Variants in LRMDA observed in about 807,000 individuals in gnomAD.
LRMDA encodes leucine rich melanocyte differentiation associated, also known as leucine-rich melanocyte differentiation-associated protein.
LRMDA carries 18 observed loss-of-function variants against 29.8 expected under a neutral mutation model. The ratio of observed to expected loss-of-function variants is 0.60; its 90% CI spans 0.42 to 0.90. LRMDA has a LOEUF of 0.90. Among genes scored for constraint, LRMDA ranks in the 40% least tolerant of loss-of-function variants. LRMDA has a pLI of 0.00. For missense variants in LRMDA, 273 were observed against 273.9 expected (o/e 1.00, Z 0.02); for synonymous variants, 125 against 109.4 (o/e 1.14, Z -0.89).
At chr10:75,720,854 A>G (rs1196704373) in intron 2 of LRMDA, among the ~76,000 whole-genome samples, 1 of 152,128 alleles carries the variant, frequency 6.6e-6, no homozygotes, top group African/African-American at 2.4e-5. Flanking sequence ...ACAGATTCCT[A>G]CCCAAGACGG....
chr10:75,948,841 C>T (rs1846524066), intron 2 of LRMDA, among the ~76,000 whole-genome samples: 1 of 151,952 alleles, frequency 6.6e-6, no homozygotes, highest in South Asian at 2.1e-4. Flanking sequence ...GTGATATAGC[C>T]TTGCTGGATA....
chr10:75,435,612 G>A (rs1169669703), intron 1 of LRMDA, among the ~76,000 whole-genome samples: 1 of 152,156 alleles, frequency 6.6e-6, no homozygotes. Context: ...AGAACAACTT[G>A]TATTTTTCTT....
chr10:76,286,221 T>G (rs1321966583), intron 5 of LRMDA, among the ~76,000 whole-genome samples: 1 of 152,176 alleles, frequency 6.6e-6, no homozygotes, highest in Non-Finnish European at 1.5e-5. Context: ...CCGCTGGAGA[T>G]TCTTCATTAG....
intron 2 of LRMDA, among the ~76,000 whole-genome samples, chr10:76,014,509 C>T (rs1435658107): frequency 6.6e-6 from 1 of 152,160 alleles, no homozygotes; most frequent in African/African-American, 2.4e-5. Flanking sequence ...TGCCCATATA[C>T]ACACCAAAAG....
At chr10:76,236,732 T>G (rs1341299998) in intron 5 of LRMDA, among the ~76,000 whole-genome samples, 1 of 152,224 alleles carries the variant, frequency 6.6e-6, no homozygotes, top group Non-Finnish European at 1.5e-5. Context: ...GCAAACCTAT[T>G]ATGGTCACAA....
At chr10:75,638,248 GA>G (rs949900757) in intron 2 of LRMDA, among the ~76,000 whole-genome samples, 3 of 152,172 alleles carry the variant, frequency 2.0e-5, no homozygotes, top group Non-Finnish European at 4.4e-5. Context: ...GTTGATGGCA[GA>G]AGGCAGGTTT....
chr10:75,894,343 G>T (rs1053591291), intron 2 of LRMDA, among the ~76,000 whole-genome samples: 1 of 152,280 alleles, frequency 6.6e-6, no homozygotes, highest in South Asian at 2.1e-4. Flanking sequence ...CCAGGTCTCT[G>T]CAAATGCCGT....
chr10:76,089,664 C>T (rs1849197516), intron 5 of LRMDA, among the ~76,000 whole-genome samples: 1 of 152,184 alleles, frequency 6.6e-6, no homozygotes, highest in South Asian at 2.1e-4. Flanking sequence ...CTTCCCTGAC[C>T]ACTGGGCACG....
intron 6 of LRMDA, among the ~76,000 whole-genome samples, chr10:76,432,231 G>A (rs1049102206): frequency 6.6e-6 from 1 of 152,158 alleles, no homozygotes; most frequent in Non-Finnish European, 1.5e-5. Flanking sequence ...GGGCCTGGGG[G>A]TGCTGCTGGT....
At chr10:75,915,380 C>T (rs185673518) in intron 2 of LRMDA, among the ~76,000 whole-genome samples, 34 of 152,096 alleles carry the variant, frequency 2.2e-4, no homozygotes, top group Non-Finnish European at 4.0e-4. Flanking sequence ...AGGTGATCTG[C>T]CTGTCTCGGC....
At chr10:76,092,660 C>G (rs1414366696) in intron 5 of LRMDA, among the ~76,000 whole-genome samples, 1 of 152,178 alleles carries the variant, frequency 6.6e-6, no homozygotes, top group East Asian at 1.9e-4. Context: ...TGCTACAATT[C>G]TTTGGATAAT....
At chr10:75,889,751 G>A (rs1308973064) in intron 2 of LRMDA, among the ~76,000 whole-genome samples, 3 of 152,234 alleles carry the variant, frequency 2.0e-5, no homozygotes, top group Non-Finnish European at 2.9e-5. Flanking sequence ...CTTGTGCAGA[G>A]CATCAAACCA....
intron 2 of LRMDA, among the ~76,000 whole-genome samples, chr10:75,764,409 C>G (rs542598483): frequency 6.6e-6 from 1 of 152,294 alleles, no homozygotes; most frequent in African/African-American, 2.4e-5. Flanking sequence ...ACAGCCTGTT[C>G]CCAGCAAGTG....
chr10:76,486,974 A>G (rs1161505666), intron 6 of LRMDA, among the ~76,000 whole-genome samples: 3 of 151,950 alleles, frequency 2.0e-5, no homozygotes, highest in Non-Finnish European at 4.4e-5. Flanking sequence ...TAAAGATGCT[A>G]AAGATGAACA....
At chr10:76,171,320 A>G (rs1850832056) in intron 5 of LRMDA, among the ~76,000 whole-genome samples, 1 of 152,108 alleles carries the variant, frequency 6.6e-6, no homozygotes, top group Non-Finnish European at 1.5e-5. Context: ...TGTATATTTA[A>G]TAGAGATGGG....
chr10:76,079,091 C>T (rs1050040233), intron 5 of LRMDA, among the ~76,000 whole-genome samples: 4 of 152,212 alleles, frequency 2.6e-5, no homozygotes, highest in African/African-American at 4.8e-5. Flanking sequence ...AGTCTTTCCT[C>T]TGTCTCACTA....
intron 2 of LRMDA, among the ~76,000 whole-genome samples, chr10:75,649,020 G>A (rs552718549): frequency 6.6e-6 from 1 of 152,274 alleles, no homozygotes; most frequent in South Asian, 2.1e-4. Flanking sequence ...GTGGCATTAA[G>A]TACCTTCATA....
chr10:76,194,080 G>T (rs1851292691), intron 5 of LRMDA, among the ~76,000 whole-genome samples: 1 of 152,176 alleles, frequency 6.6e-6, no homozygotes, highest in African/African-American at 2.4e-5. Flanking sequence ...GTGCAGTATT[G>T]CTTGAGCAAC....
chr10:75,698,029 C>T (rs1371767718), intron 2 of LRMDA, among the ~76,000 whole-genome samples: 1 of 152,064 alleles, frequency 6.6e-6, no homozygotes, highest in Non-Finnish European at 1.5e-5. Context: ...TCTTATTATC[C>T]CCCTTTTGAA....
Sources: allele counts gnomAD v4.1 joint callset (sites outside exome capture counted in the v4.1 genomes callset), GRCh38; gene constraint gnomAD v4.1.1; transcripts MANE v1.5; gene names NCBI Gene and HGNC (gene_info 2026-07-23, HGNC 2026-07-21).